The following BTRC variants were observed in gnomAD, a reference collection of about 807,000 sequenced individuals.
BTRC encodes the protein F-box/WD repeat-containing protein 1A.
In BTRC, 42 loss-of-function variants were observed where a neutral mutation model predicts 85.5. The observed-to-expected ratio is 0.49, with a 90% confidence interval of 0.38 to 0.64. BTRC has a LOEUF of 0.64. BTRC is among the 30% of genes least tolerant of loss of function. The probability of loss-of-function intolerance (pLI) is 0.00; values close to 1 mark genes in which losing one functional copy is unlikely to be tolerated. For synonymous variants in BTRC, 255 were observed against 263.3 expected, an observed-to-expected ratio of 0.97 and a Z score of 0.30; for missense variants, 594 against 743.5, an observed-to-expected ratio of 0.80 and a Z score of 2.34.
intron 1 of BTRC, among the ~76,000 whole-genome samples, chr10:101,367,704 G>T (rs941073798): frequency 6.6e-6 from 1 of 152,120 alleles, no homozygotes; most frequent in Non-Finnish European, 1.5e-5. Context: ...TCATTCCAGG[G>T]TGTATTCTTT....
At chr10:101,546,448 G>C (rs2062559633) in intron 13 of BTRC, among the ~76,000 whole-genome samples, 1 of 151,922 alleles carries the variant, frequency 6.6e-6, no homozygotes, top group Admixed American at 6.6e-5. Flanking sequence ...TACATAGTAG[G>C]TTTATATATT....
At chr10:101,505,137 A>ATATGTATATATATGTGTATATATG (rs1554889414) in intron 4 of BTRC, among the ~76,000 whole-genome samples, 2 of 116,946 alleles carry the variant, frequency 1.7e-5, no homozygotes, top group Non-Finnish European at 3.6e-5. Flanking sequence ...GTGTATATAT[A>ATATGTATATATATGTGTATATATG]TGTATATATA....
intron 2 of BTRC, among the ~76,000 whole-genome samples, chr10:101,460,776 A>T (rs1056503692): frequency 1.5e-4 from 23 of 152,242 alleles, no homozygotes; most frequent in African/African-American, 5.5e-4. Context: ...TAATAATTTC[A>T]TGCTTGTATG....
Position 101,461,993 on chromosome 10 carries a change from A to G in BTRC, c.169A>G (p.Arg57Gly), listed in dbSNP as rs774532059. 4 of 1,610,470 alleles carry G rather than the reference A, an allele frequency of 2.5e-6. No homozygotes were observed. The highest frequency in any genetic ancestry group is 1.1e-5 in the South Asian group (1 of 90,910). ...CTTTCTTTCACAGAATTCCTCAGAG[A>G]GAGAAGACTGTAATAATGGCGAACC... ...ALTAFQNSSE[R>G]EDCNNGEPPR... Residue 57 changes from arginine (R) to glycine (G), a missense_variant, in exon 3 of 15, where the codon AGA (arginine) becomes GGA (glycine). By Grantham distance (125) the Arg-to-Gly change is moderately radical. Transcript: ENST00000370187.
At chr10:101,467,632 G>GT (rs1428912475) in intron 3 of BTRC, among the ~76,000 whole-genome samples, 9 of 151,508 alleles carry the variant, frequency 5.9e-5, no homozygotes, top group Middle Eastern at 3.4e-3. Context: ...GTTGTTGTTG[G>GT]TTTTTTTTAC....
intron 3 of BTRC, among the ~76,000 whole-genome samples, chr10:101,478,781 CAAA>C (rs71472573): frequency 1.3e-4 from 16 of 119,860 alleles, no homozygotes; most frequent in Non-Finnish European, 1.5e-4. Flanking sequence ...GACCCTATCT[CAAA>C]AAAAAAAAAA....
chr10:101,522,846 C>T (rs1220852930), intron 5 of BTRC, among the ~76,000 whole-genome samples: 1 of 152,094 alleles, frequency 6.6e-6, no homozygotes, highest in East Asian at 1.9e-4. Context: ...TATAATAACA[C>T]GTCTTAGTTC....
At chr10:101,395,336 C>G (rs1299792369) in intron 1 of BTRC, among the ~76,000 whole-genome samples, 3 of 152,166 alleles carry the variant, frequency 2.0e-5, no homozygotes, top group Admixed American at 1.3e-4. Context: ...TCTTTGCCCC[C>G]CTTTTTTCCC....
intron 4 of BTRC, among the ~76,000 whole-genome samples, chr10:101,498,225 C>G (rs1218822806): frequency 6.6e-6 from 1 of 152,070 alleles, no homozygotes; most frequent in African/African-American, 2.4e-5. Flanking sequence ...GTGATCTCAG[C>G]TCACTGCAAC....
intron 4 of BTRC, among the ~76,000 whole-genome samples, chr10:101,510,244 C>G (rs945275829): frequency 6.6e-6 from 1 of 152,168 alleles, no homozygotes; most frequent in South Asian, 2.1e-4. Context: ...TGCAGTGGCT[C>G]ACGCCTGTAA....
At chr10:101,524,086 T>C (rs2062157460) in intron 5 of BTRC, among the ~76,000 whole-genome samples, 2 of 152,186 alleles carry the variant, frequency 1.3e-5, no homozygotes, top group Admixed American at 6.5e-5. Flanking sequence ...TTGCCAATTA[T>C]ACCTTTTTAA....
chr10:101,521,652 A>T lies in BTRC; in HGVS notation c.338A>T (p.Asn113Ile). 6.2e-7 allele frequency: 1 copy of T among 1,613,788 alleles called. No individual in the cohort carries two copies. The highest frequency in any genetic ancestry group is 1.1e-5 in the South Asian group (1 of 90,922). The change falls in exon 5 of 15, where the codon AAT (asparagine) becomes ATT (isoleucine). Residue 113 changes from asparagine (N) to isoleucine (I), a missense_variant. Around this residue, in one of 4 missense-constraint regions of BTRC, gnomAD observed 163 missense variants for 180.5 expected, o/e 0.90. Transcript: ENST00000370187. ...CCCCTTCTACAGACAAAACTTGCCA[A>T]TGGCACTTCCAGTATGATTGTGCCC... ...ENCVAKTKLA[N>I]GTSSMIVPKQ...
chr10:101,470,408 C>T (rs1340599212), intron 3 of BTRC, among the ~76,000 whole-genome samples: 2 of 147,278 alleles, frequency 1.4e-5, no homozygotes, highest in East Asian at 4.1e-4. Context: ...TCTCGGCTCA[C>T]TGCAACCTCT....
At chr10:101,407,338 C>T (rs1043396193) in intron 1 of BTRC, among the ~76,000 whole-genome samples, 1 of 152,086 alleles carries the variant, frequency 6.6e-6, no homozygotes, top group Admixed American at 6.6e-5. Context: ...ACAATGAGAC[C>T]ATGTCTCTTA....
chr10:101,459,580 T>C (rs1167476705), intron 2 of BTRC, among the ~76,000 whole-genome samples: 1 of 152,212 alleles, frequency 6.6e-6, no homozygotes, highest in Admixed American at 6.5e-5. Flanking sequence ...CATACCAATG[T>C]TTATGGGTTT....
intron 11 of BTRC, 40 bp from the exon 12 acceptor site, chr10:101,536,500 AAAG>A: frequency 6.8e-7 from 1 of 1,462,332 alleles, no homozygotes. Flanking sequence ...CAGGCTTAGA[AAAG>A]AATACGTGAA....
intron 1 of BTRC, among the ~76,000 whole-genome samples, chr10:101,412,540 T>C (rs1250422285): frequency 6.6e-6 from 1 of 152,246 alleles, no homozygotes; most frequent in Non-Finnish European, 1.5e-5. Context: ...GAATCTAAAG[T>C]CTAGTGCTTG....
intron 1 of BTRC, among the ~76,000 whole-genome samples, chr10:101,389,905 A>G (rs1361558559): frequency 1.3e-5 from 2 of 152,102 alleles, no homozygotes; most frequent in South Asian, 2.1e-4. Flanking sequence ...GATTATAGGT[A>G]TGAGCTAAAT....
intron 4 of BTRC, among the ~76,000 whole-genome samples, chr10:101,488,917 A>G (rs1233464255): frequency 6.6e-6 from 1 of 152,148 alleles, no homozygotes; most frequent in Non-Finnish European, 1.5e-5. Context: ...CACAATATTT[A>G]TAACTAATGT....
Sources: gnomAD v4.1 joint callset for allele counts (sites outside exome capture counted in the v4.1 genomes callset) on GRCh38, gnomAD v4.1.1 for gene constraint, gnomAD v4.1.1 regional missense constraint, MANE v1.5 for transcripts, NCBI Gene and HGNC (gene_info 2026-07-23, HGNC 2026-07-21) for gene names.